The following TSPAN11 variants were observed in gnomAD, a reference collection of about 807,000 sequenced individuals.
TSPAN11 encodes the protein tetraspanin 11.
In TSPAN11, 29 loss-of-function variants were observed where a neutral mutation model predicts 32.9. That is an observed-to-expected ratio of 0.88 (90% CI 0.66 to 1.20). The LOEUF is 1.20. Ranked by LOEUF, TSPAN11 falls within the 50% of genes most tolerant of loss-of-function variation. The pLI is 0.00. For missense variants in TSPAN11, 283 were observed against 329.1 expected, an observed-to-expected ratio of 0.86 and a Z score of 1.08; for synonymous variants, 140 against 141.3, an observed-to-expected ratio of 0.99 and a Z score of 0.07.
At chr12:30,967,887 G>T (rs765309659) in intron 3 of TSPAN11, among the ~76,000 whole-genome samples, 2 of 151,786 alleles carry the variant, frequency 1.3e-5, no homozygotes, top group Non-Finnish European at 2.9e-5. Context: ...TAAAGCTGGG[G>T]ATCCTGAGTA....
At chr12:30,990,289 C>A (rs1939286212) in intron 7 of TSPAN11, among the ~76,000 whole-genome samples, 1 of 152,184 alleles carries the variant, frequency 6.6e-6, no homozygotes, top group Admixed American at 6.5e-5. Context: ...GAGTGTGGCC[C>A]CTCCAGTCCT....
intron 1 of TSPAN11, among the ~76,000 whole-genome samples, chr12:30,930,842 T>C (rs1420050257): frequency 1.3e-5 from 2 of 152,172 alleles, no homozygotes; most frequent in Non-Finnish European, 2.9e-5. Context: ...CCTGGGATGC[T>C]TTTCCAACTG....
rs201664737 is a variant in TSPAN11 at position 30,991,862 on chromosome 12, G to A, written c.709G>A (p.Gly237Arg). The change falls in exon 8 of 8, where the codon GGG (glycine) becomes AGG (arginine). Residue 237 changes from glycine to arginine, a missense_variant. By Grantham distance (125) the Gly-to-Arg change is moderately radical (BLOSUM62 -2). Coordinates refer to ENST00000546076, the MANE Select transcript of TSPAN11 (RefSeq NM_001370302.1). ...GIGVACLQIC[G>R]MVLTCCLHQR... The stretch of plus-strand genomic sequence containing the variant: ...TGCTCTCTCCACCTGGCAGATCTGC[G>A]GGATGGTTCTCACCTGCTGCTTGCA... The A allele has an allele frequency of 1.2e-5, 19 of 1,614,094 alleles. No individual in the cohort carries two copies. Among genetic ancestry groups the A allele is most frequent in the African/African-American group, 6.7e-5 (5 of 75,014 alleles).
chr12:31,002,305 G>C, the TSPAN11 span, among the ~76,000 whole-genome samples: 3 of 152,148 alleles, frequency 2.0e-5, no homozygotes, highest in Non-Finnish European at 4.4e-5. The surrounding 1 kb of genome is among the most constrained non-coding windows in gnomAD (Gnocchi z 4.8). Context: ...TCCACACACA[G>C]AGGGGTTTCA....
rs569747455 is a variant in TSPAN11 at position 30,985,905 on chromosome 12, G to A, written c.702+2755G>A. On this transcript the variant is annotated intron_variant, in intron 7 of 7. Transcript: ENST00000546076. ...CCACCATGCAGTCTGTTCCTTCGCC[G>A]TTGCTATGGAATGGCTTTTGGTGGC... Among the ~76,000 whole-genome samples the A allele has an allele frequency of 2.6e-4, 39 of 152,358 alleles. 1 individual carries two copies. The highest frequency in any genetic ancestry group is 7.9e-4 in the African/African-American group (33 of 41,582).
chr12:31,010,369 A>T, the TSPAN11 span, among the ~76,000 whole-genome samples: 1 of 152,204 alleles, frequency 6.6e-6, no homozygotes, highest in Non-Finnish European at 1.5e-5. Flanking sequence ...ACTACTAATT[A>T]TACTCCAACC....
At chr12:30,935,767 C>T (rs549748510) in intron 1 of TSPAN11, among the ~76,000 whole-genome samples, 71 of 152,208 alleles carry the variant, frequency 4.7e-4, no homozygotes, top group Non-Finnish European at 7.2e-4. Flanking sequence ...TTAGGGTCAC[C>T]GGCAGCCTCC....
chr12:30,941,243 C>T (rs957091154), intron 1 of TSPAN11, among the ~76,000 whole-genome samples: 3 of 152,196 alleles, frequency 2.0e-5, no homozygotes, highest in Admixed American at 2.0e-4. Flanking sequence ...TCTGCGGGAC[C>T]GACTGCCAAC....
At chr12:31,003,299 G>A in the TSPAN11 span, among the ~76,000 whole-genome samples, 1 of 152,220 alleles carries the variant, frequency 6.6e-6, no homozygotes, top group Non-Finnish European at 1.5e-5. Context: ...GGACAGGCAA[G>A]GGGCTTGGAG....
intron 7 of TSPAN11, chr12:30,988,504 G>T (rs1219962291): frequency 6.6e-6 from 1 of 152,192 alleles, no homozygotes; most frequent in African/African-American, 2.4e-5. Flanking sequence ...CAGGAGAATT[G>T]CTTGAACCCG....
At chr12:30,990,439 T>C (rs1592499898) in intron 7 of TSPAN11, among the ~76,000 whole-genome samples, 1 of 152,262 alleles carries the variant, frequency 6.6e-6, no homozygotes, top group South Asian at 2.1e-4. Flanking sequence ...CATCAAACCA[T>C]GAGGTAGGGA....
chr12:30,994,097 A>G lies in TSPAN11; in HGVS notation c.*2182A>G, dbSNP rs1474738311. Reference sequence around the variant, plus strand: ...CCAAGCGGCAGACAGTGGTAGAACAACCCAGGGCTTGGAAATCTGACCTCC... The same window carrying G: ...CCAAGCGGCAGACAGTGGTAGAACAGCCCAGGGCTTGGAAATCTGACCTCC... On this transcript the variant is annotated 3_prime_UTR_variant, in exon 8 of 8. Coordinates refer to ENST00000546076, the MANE Select transcript of TSPAN11 (RefSeq NM_001370302.1). The G allele has an allele frequency of 1.3e-5, 2 of 152,244 alleles. No homozygotes were observed. Among genetic ancestry groups the G allele is most frequent in the Non-Finnish European group, 2.9e-5 (2 of 68,080 alleles). The allele number at this position is 152,244 out of a possible 1,614,324, so 9.4% of individuals were successfully genotyped here.
At chr12:30,968,547 G>C (rs915943539) in intron 3 of TSPAN11, among the ~76,000 whole-genome samples, 17 of 152,218 alleles carry the variant, frequency 1.1e-4, no homozygotes, top group Non-Finnish European at 7.3e-5. Context: ...CTGCATGAGA[G>C]AGATAATTCA....
intron 1 of TSPAN11, among the ~76,000 whole-genome samples, chr12:30,947,527 G>A (rs1236201307): frequency 6.6e-6 from 1 of 152,184 alleles, no homozygotes; most frequent in Non-Finnish European, 1.5e-5. Flanking sequence ...ATGGCAGGAG[G>A]CAAAAGGCAC....
chr12:30,927,073 A>G (rs1317756589), intron 1 of TSPAN11: 1 of 1,262,548 alleles, frequency 7.9e-7, no homozygotes, highest in Non-Finnish European at 1.0e-6. Flanking sequence ...GCCTTTCTGC[A>G]CTTGTGCCTT....
At chr12:30,948,848 A>G (rs1358459114) in intron 1 of TSPAN11, among the ~76,000 whole-genome samples, 1 of 152,216 alleles carries the variant, frequency 6.6e-6, no homozygotes, top group Non-Finnish European at 1.5e-5. Context: ...CTGCATTGTC[A>G]GGCTGCGAAT....
chr12:30,957,749 C>CTCCT (rs1442428213), intron 2 of TSPAN11, among the ~76,000 whole-genome samples: 1 of 39,702 alleles, frequency 2.5e-5, no homozygotes, highest in Non-Finnish European at 4.2e-5. Context: ...CCCTCCCTCC[C>CTCCT]TCCTTCCTTC....
intron 3 of TSPAN11, among the ~76,000 whole-genome samples, chr12:30,973,085 C>T (rs529194181): frequency 7.9e-5 from 12 of 152,280 alleles, no homozygotes; most frequent in South Asian, 2.1e-4. Context: ...TGAGCTCATC[C>T]GTCCATCCCT....
chr12:30,986,504 G>A (rs999037414), intron 7 of TSPAN11, among the ~76,000 whole-genome samples: 2 of 152,182 alleles, frequency 1.3e-5, no homozygotes, highest in Non-Finnish European at 2.9e-5. Context: ...TCCCCTCACT[G>A]CCCTTGGTGG....
Sources: gnomAD v4.1 joint callset for allele counts (sites outside exome capture counted in the v4.1 genomes callset) on GRCh38, gnomAD v4.1.1 for gene constraint, Gnocchi (gnomAD v3.1) non-coding constraint, MANE v1.5 for transcripts, NCBI Gene and HGNC (gene_info 2026-07-23, HGNC 2026-07-21) for gene names.